The following CNNM2 variants were observed in gnomAD, a reference collection of about 807,000 sequenced individuals.
The protein encoded by CNNM2 is cyclin and CBS domain divalent metal cation transport mediator 2, also known as metal transporter CNNM2.
In CNNM2, 12 loss-of-function variants were observed where a neutral mutation model predicts 66.9. The observed-to-expected ratio is 0.18, with a 90% confidence interval of 0.11 to 0.29. The LOEUF (loss-of-function observed/expected upper bound fraction) is 0.29, where lower values mean the gene tolerates loss of function less well. Ranked by LOEUF, CNNM2 falls within the 10% of genes least tolerant of loss-of-function variation. The pLI is 1.00. For missense variants in CNNM2, 705 were observed against 1,167.7 expected (o/e 0.60, Z 5.77); for synonymous variants, 557 against 501.8 (o/e 1.11, Z -1.47).
chr10:103,071,950 T>A (rs2065591191), intron 6 of CNNM2, 111 bp downstream of exon 6: 2 of 928,108 alleles, frequency 2.2e-6, no homozygotes, highest in African/African-American at 3.3e-5. Flanking sequence ...TTTTCAGTGT[T>A]CCTTGGAGCG....
At chr10:102,941,887 G>A (rs536073743) in intron 1 of CNNM2, among the ~76,000 whole-genome samples, 15 of 152,328 alleles carry the variant, frequency 9.8e-5, no homozygotes, top group Admixed American at 2.6e-4. Context: ...CCACAGCAGG[G>A]CCTGGCACAT....
intron 1 of CNNM2, among the ~76,000 whole-genome samples, chr10:102,944,057 AATCTTT>A (rs1269267118): frequency 6.6e-6 from 1 of 151,446 alleles, no homozygotes; most frequent in Non-Finnish European, 1.5e-5. Flanking sequence ...AATTCTCTTT[AATCTTT>A]AAGTTGCTAC....
intron 1 of CNNM2, among the ~76,000 whole-genome samples, chr10:102,947,391 T>C (rs1383572253): frequency 6.6e-6 from 1 of 152,182 alleles, no homozygotes; most frequent in Non-Finnish European, 1.5e-5. Context: ...ATTGTGATGA[T>C]GTTATATATT....
chr10:103,017,953 G>GAAT (rs1358379150), intron 1 of CNNM2, among the ~76,000 whole-genome samples: 74 of 66,230 alleles, frequency 1.1e-3, no homozygotes, highest in African/African-American at 4.2e-3. Flanking sequence ...GACAGAGCAA[G>GAAT]AATCTGTCTC....
In CNNM2 at chr10:103,077,947, C is replaced by T. The variant is rs1317663108; in HGVS notation, c.*767C>T. ...AAATGAATGTTAATGAATTTAAAAC[C>T]CATGGTTTATCATTGGCAAGAGGCA... On this transcript the variant is annotated 3_prime_UTR_variant, in exon 8 of 8. Transcript: ENST00000369878. 6.6e-6 allele frequency: 1 copy of T among 152,590 alleles called. No individual in the cohort carries two copies. The highest frequency in any genetic ancestry group is 2.4e-5 in the African/African-American group (1 of 41,432). 9.5% of individuals were successfully genotyped at this position (152,590 alleles called of 1,614,324 possible). A position where few individuals can be genotyped will look rare whatever the true frequency, so the allele number is the denominator to read the frequency against.
At chr10:103,058,947 T>C (rs537879620) in intron 4 of CNNM2, among the ~76,000 whole-genome samples, 9 of 152,128 alleles carry the variant, frequency 5.9e-5, no homozygotes, top group Admixed American at 2.0e-4. Flanking sequence ...TGATCCACTG[T>C]GGAGTTTGTT....
chr10:103,045,596 G>A (rs189096306), intron 1 of CNNM2, among the ~76,000 whole-genome samples: 4 of 89,730 alleles, frequency 4.5e-5, no homozygotes, highest in Non-Finnish European at 8.9e-5. Context: ...CCCACCCCCC[G>A]CCACCGCCAC....
At chr10:103,030,576 C>T (rs777376775) in intron 1 of CNNM2, among the ~76,000 whole-genome samples, 10 of 152,060 alleles carry the variant, frequency 6.6e-5, no homozygotes, top group Non-Finnish European at 1.3e-4. Flanking sequence ...ATTAGCCAGG[C>T]GTGGTGGCAC....
intron 1 of CNNM2, among the ~76,000 whole-genome samples, chr10:102,947,914 G>A (rs904401654): frequency 1.8e-4 from 27 of 152,066 alleles, no homozygotes; most frequent in Admixed American, 1.2e-3. Context: ...TTAGCCGGGC[G>A]TGGTGGCAGG....
At chr10:102,989,152 G>C (rs2063850276) in intron 1 of CNNM2, among the ~76,000 whole-genome samples, 1 of 152,166 alleles carries the variant, frequency 6.6e-6, no homozygotes, top group Non-Finnish European at 1.5e-5. Context: ...CACCTTCACT[G>C]AGTAACGTAT....
chr10:103,046,276 C>T (rs2065125806), intron 1 of CNNM2, among the ~76,000 whole-genome samples: 3 of 152,214 alleles, frequency 2.0e-5, no homozygotes, highest in South Asian at 4.1e-4. Context: ...AACTGTTCGA[C>T]TCATGTTCTT....
intron 1 of CNNM2, among the ~76,000 whole-genome samples, chr10:102,984,859 C>T (rs1211086341): frequency 1.3e-5 from 2 of 152,094 alleles, no homozygotes; most frequent in Non-Finnish European, 2.9e-5. Flanking sequence ...GTTGGCCAGG[C>T]TGGTCTCTAA....
chr10:103,046,789 C>G (rs1426132250), intron 1 of CNNM2, among the ~76,000 whole-genome samples: 3 of 152,204 alleles, frequency 2.0e-5, no homozygotes, highest in Non-Finnish European at 2.9e-5. Flanking sequence ...TCAGGAGAAT[C>G]TGGCCTCACA....
intron 4 of CNNM2, among the ~76,000 whole-genome samples, chr10:103,058,088 G>A (rs1389543327): frequency 6.6e-6 from 1 of 152,224 alleles, no homozygotes; most frequent in Non-Finnish European, 1.5e-5. Flanking sequence ...TTTGGAAGCA[G>A]GAGTGAGGAG....
intron 2 of CNNM2, among the ~76,000 whole-genome samples, chr10:103,051,179 T>C (rs1269772252): frequency 2.0e-5 from 3 of 152,154 alleles, no homozygotes; most frequent in Admixed American, 6.5e-5. Flanking sequence ...CATTTTAAAA[T>C]TGAGAAAGTT....
At chr10:103,053,920 AC>A (rs2065255626) in intron 2 of CNNM2, among the ~76,000 whole-genome samples, 1 of 152,206 alleles carries the variant, frequency 6.6e-6, no homozygotes, top group South Asian at 2.1e-4. Flanking sequence ...TTGTGTGTAC[AC>A]AGTGGTGGTC....
chr10:102,965,938 A>G (rs941171997), intron 1 of CNNM2, among the ~76,000 whole-genome samples: 1 of 152,140 alleles, frequency 6.6e-6, no homozygotes, highest in South Asian at 2.1e-4. Context: ...GAAAAAAAAA[A>G]TAGGGTCTTT....
chr10:102,988,363 C>G (rs1363461151), intron 1 of CNNM2, among the ~76,000 whole-genome samples: 2 of 152,104 alleles, frequency 1.3e-5, no homozygotes, highest in Non-Finnish European at 2.9e-5. Flanking sequence ...AAGACCCTTA[C>G]TGTAGTCAGG....
At chr10:103,004,812 C>T (rs1188368380) in intron 1 of CNNM2, among the ~76,000 whole-genome samples, 1 of 152,122 alleles carries the variant, frequency 6.6e-6, no homozygotes, top group Non-Finnish European at 1.5e-5. Flanking sequence ...TTTCTTGGAC[C>T]TTTTGTGTTT....
Sources: allele counts gnomAD v4.1 joint callset (sites outside exome capture counted in the v4.1 genomes callset), GRCh38; gene constraint gnomAD v4.1.1; transcripts MANE v1.5; gene names NCBI Gene and HGNC (gene_info 2026-07-23, HGNC 2026-07-21).